The following PALM2AKAP2 variants were observed in gnomAD, a reference collection of about 807,000 sequenced individuals.
PALM2AKAP2 encodes the protein PALM2-AKAP2 fusion protein.
Under a neutral mutation model 71.5 loss-of-function variants are expected in PALM2AKAP2, and 37 were observed. That is an observed-to-expected ratio of 0.52 (90% CI 0.40 to 0.68). The LOEUF is 0.68. PALM2AKAP2 is among the 30% of genes least tolerant of loss of function. PALM2AKAP2 has a pLI of 0.00. For synonymous variants in PALM2AKAP2, 468 were observed against 478.8 expected, an observed-to-expected ratio of 0.98 and a Z score of 0.29; for missense variants, 1,224 against 1,191.8, an observed-to-expected ratio of 1.03 and a Z score of -0.40.
chr9:109,918,211 G>A, intron 3 of PALM2AKAP2, among the ~76,000 whole-genome samples: 1 of 152,224 alleles, frequency 6.6e-6, no homozygotes, highest in South Asian at 2.1e-4. Context: ...CAGAGAAGGT[G>A]TTTGCATGAA....
chr9:109,722,575 T>A (rs942154554), intron 1 of PALM2AKAP2, among the ~76,000 whole-genome samples: 1 of 152,132 alleles, frequency 6.6e-6, no homozygotes, highest in East Asian at 1.9e-4. Flanking sequence ...AGCTCAATAC[T>A]AGCCTGGGCA....
At chr9:109,706,647 A>G (rs1232480967) in intron 1 of PALM2AKAP2, among the ~76,000 whole-genome samples, 1 of 152,250 alleles carries the variant, frequency 6.6e-6, no homozygotes, top group African/African-American at 2.4e-5. Flanking sequence ...CCAAAAAAGT[A>G]GAAACAACAC....
intron 1 of PALM2AKAP2, among the ~76,000 whole-genome samples, chr9:109,646,492 A>G (rs774116392): frequency 2.0e-5 from 3 of 152,232 alleles, no homozygotes; most frequent in Non-Finnish European, 4.4e-5. Context: ...GATGCCTGTT[A>G]TCACATGGAC....
intron 1 of PALM2AKAP2, among the ~76,000 whole-genome samples, chr9:109,656,182 GC>G (rs1437408545): frequency 6.6e-6 from 1 of 152,190 alleles, no homozygotes; most frequent in African/African-American, 2.4e-5. Context: ...AGGAAGGAGA[GC>G]TCCAGGCAAA....
At chr9:110,079,164 G>T (rs1243822532) in intron 1 of PALM2AKAP2, among the ~76,000 whole-genome samples, 2 of 152,146 alleles carry the variant, frequency 1.3e-5, no homozygotes, top group African/African-American at 4.8e-5. Context: ...TCATCTGATA[G>T]GAAGCGAGTG....
At chr9:109,935,805 G>A (rs74791192) in intron 6 of PALM2AKAP2, among the ~76,000 whole-genome samples, 7,682 of 152,168 alleles carry the variant, frequency 0.05, 403 homozygotes, top group East Asian at 0.26. Flanking sequence ...TGATCCCAAA[G>A]CACTGAGAGC....
At chr9:109,774,275 G>A (rs895876919) in intron 1 of PALM2AKAP2, among the ~76,000 whole-genome samples, 1 of 152,168 alleles carries the variant, frequency 6.6e-6, no homozygotes, top group African/African-American at 2.4e-5. Flanking sequence ...AGATAACCAG[G>A]CTGGAGTAGA....
chr9:109,788,940 G>A (rs1827036407), intron 1 of PALM2AKAP2, among the ~76,000 whole-genome samples: 1 of 152,218 alleles, frequency 6.6e-6, no homozygotes, highest in South Asian at 2.1e-4. Flanking sequence ...CTGTGTAACT[G>A]TGTCCTTCTC....
chr9:110,094,421 A>C (rs1299051932), intron 1 of PALM2AKAP2, among the ~76,000 whole-genome samples: 5 of 152,186 alleles, frequency 3.3e-5, no homozygotes, highest in African/African-American at 7.2e-5. Flanking sequence ...AAATACCTGA[A>C]ACTGGGTAAT....
At chr9:109,764,265 C>A (rs1829108831) in intron 1 of PALM2AKAP2, among the ~76,000 whole-genome samples, 1 of 152,098 alleles carries the variant, frequency 6.6e-6, no homozygotes, top group Admixed American at 6.5e-5. Flanking sequence ...CTGAACTAGA[C>A]CCAACCTGGA....
chr9:109,961,867 A>G (rs1372498016), intron 6 of PALM2AKAP2, among the ~76,000 whole-genome samples: 1 of 152,206 alleles, frequency 6.6e-6, no homozygotes, highest in Non-Finnish European at 1.5e-5. Context: ...TCCTGTGGGT[A>G]CTAATGAAAA....
intron 3 of PALM2AKAP2, among the ~76,000 whole-genome samples, chr9:109,923,262 C>T (rs1333529282): frequency 6.6e-6 from 1 of 152,202 alleles, no homozygotes; most frequent in Non-Finnish European, 1.5e-5. Flanking sequence ...GGACACCAGG[C>T]TCCCAAGGGT....
intron 1 of PALM2AKAP2, among the ~76,000 whole-genome samples, chr9:109,796,253 TGATA>T (rs1381804935): frequency 2.6e-5 from 4 of 152,158 alleles, no homozygotes; most frequent in Non-Finnish European, 4.4e-5. Context: ...TAGAAAACTG[TGATA>T]GATAATGTGC....
chr9:110,030,028 T>G, intron 7 of PALM2AKAP2, among the ~76,000 whole-genome samples: 1 of 152,166 alleles, frequency 6.6e-6, no homozygotes, highest in East Asian at 1.9e-4. Flanking sequence ...GGGAAAACTT[T>G]CCCTTTGCCC....
At chr9:109,903,767 A>T (rs2131860173) in intron 3 of PALM2AKAP2, among the ~76,000 whole-genome samples, 1 of 151,592 alleles carries the variant, frequency 6.6e-6, no homozygotes, top group African/African-American at 2.4e-5. Flanking sequence ...GCTCCCACAT[A>T]GCGAACTTGC....
At chr9:110,053,635 C>T (rs569804782) in intron 1 of PALM2AKAP2, among the ~76,000 whole-genome samples, 4 of 152,138 alleles carry the variant, frequency 2.6e-5, no homozygotes, top group South Asian at 2.1e-4. Flanking sequence ...CAGAGTGCCC[C>T]GCATAGGCCG....
chr9:110,019,839 C>G (rs750206516), intron 7 of PALM2AKAP2, among the ~76,000 whole-genome samples: 1 of 152,158 alleles, frequency 6.6e-6, no homozygotes, highest in Non-Finnish European at 1.5e-5. Flanking sequence ...CTATTGGATA[C>G]TATGTTCACT....
chr9:109,937,172 C>T (rs1312835850), intron 6 of PALM2AKAP2, among the ~76,000 whole-genome samples: 1 of 152,182 alleles, frequency 6.6e-6, no homozygotes, highest in Non-Finnish European at 1.5e-5. Context: ...CAGAACCAAA[C>T]ATTCTCTGCT....
At chr9:109,685,409 C>T (rs1218515483) in intron 1 of PALM2AKAP2, among the ~76,000 whole-genome samples, 3 of 152,000 alleles carry the variant, frequency 2.0e-5, no homozygotes, top group African/African-American at 4.8e-5. Flanking sequence ...CAGACCACCA[C>T]GATAAAGTGA....
Sources: gnomAD v4.1 joint callset for allele counts (sites outside exome capture counted in the v4.1 genomes callset) on GRCh38, gnomAD v4.1.1 for gene constraint, MANE v1.5 for transcripts, NCBI Gene and HGNC (gene_info 2026-07-23, HGNC 2026-07-21) for gene names.